Variants in RIOK3 observed in about 807,000 individuals in gnomAD.
RIOK3 encodes the protein serine/threonine-protein kinase RIO3.
In RIOK3, 40 loss-of-function variants were observed where a neutral mutation model predicts 63.5. The ratio of observed to expected loss-of-function variants is 0.63; its 90% CI spans 0.49 to 0.82. The LOEUF is 0.82. RIOK3 is among the 40% of genes least tolerant of loss of function. The pLI is 0.00. For missense variants in RIOK3, 557 were observed against 637.0 expected, an observed-to-expected ratio of 0.87 and a Z score of 1.35; for synonymous variants, 193 against 205.0, an observed-to-expected ratio of 0.94 and a Z score of 0.50.
intron 1 of RIOK3, among the ~76,000 whole-genome samples, chr18:23,461,212 G>A (rs1400376056): frequency 6.6e-6 from 1 of 152,228 alleles, no homozygotes; most frequent in Non-Finnish European, 1.5e-5. Flanking sequence ...CAACTAGAGG[G>A]CCTATACTGG....
chr18:23,476,161 T>C (rs537244921), intron 9 of RIOK3, among the ~76,000 whole-genome samples: 2 of 152,012 alleles, frequency 1.3e-5, no homozygotes, highest in African/African-American at 2.4e-5. Flanking sequence ...ATGATGAAAA[T>C]TGAAAACAGT....
rs1189464759 is a variant in RIOK3 at position 23,466,416 on chromosome 18, GC to G, written c.687+142del. ...TAAATCAAAGATGTAAATAAATCCA[GC>G]CACTGTGGTGCCCGCCTGTAATCCC... On this transcript the variant is annotated intron_variant, in intron 6 of 12. Transcript: ENST00000339486. 16 of 699,106 alleles carry G rather than the reference GC, an allele frequency of 2.3e-5. No individual in the cohort carries two copies. In the Admixed American group the frequency reaches 3.3e-4, roughly 14 times the overall value. The allele number at this position is 699,106 out of a possible 1,614,324, so 43.3% of individuals were successfully genotyped here. A position where few individuals can be genotyped will look rare whatever the true frequency, so the allele number is the denominator to read the frequency against.
Position 23,453,320 on chromosome 18 carries a change from C to A in RIOK3, c.-120C>A. 1.2e-6 allele frequency: 1 copy of A among 820,666 alleles called. No homozygotes were observed. Among genetic ancestry groups the A allele is most frequent in the Non-Finnish European group, 2.1e-6 (1 of 482,688 alleles). 50.8% of individuals were successfully genotyped at this position (820,666 alleles called of 1,614,324 possible). A position where few individuals can be genotyped will look rare whatever the true frequency, so the allele number is the denominator to read the frequency against. ...ACGCGGCCGCCGCCGTCGCCGCCAT[C>A]TGTCACCTCCACTCCGGCATCAGCA... On this transcript the variant is annotated 5_prime_UTR_variant, in exon 1 of 13. In the 5' UTR this introduces an upstream ATG that the reference lacks. Coordinates refer to ENST00000339486, the MANE Select transcript of RIOK3 (RefSeq NM_003831.5).
intron 7 of RIOK3, among the ~76,000 whole-genome samples, chr18:23,469,319 CT>C (rs2057432893): frequency 3.3e-5 from 1 of 30,336 alleles, no homozygotes; most frequent in Non-Finnish European, 6.4e-5. Context: ...CTCTCTCTCT[CT>C]CTCTCTCTCT....
At chr18:23,470,557 G>C (rs1188338841) in intron 7 of RIOK3, among the ~76,000 whole-genome samples, 1 of 152,172 alleles carries the variant, frequency 6.6e-6, no homozygotes, top group Non-Finnish European at 1.5e-5. Context: ...CCTCTGGTGA[G>C]TTAAGATGGG....
intron 1 of RIOK3, among the ~76,000 whole-genome samples, chr18:23,453,931 C>T (rs1568377888): frequency 6.6e-6 from 1 of 152,152 alleles, no homozygotes; most frequent in Non-Finnish European, 1.5e-5. Flanking sequence ...GTGGTTATCC[C>T]AGTTTGGAAA....
At chr18:23,474,911 C>T in intron 8 of RIOK3, 37 bp from the exon 9 acceptor site, 1 of 1,512,882 alleles carries the variant, frequency 6.6e-7, no homozygotes, top group Non-Finnish European at 9.1e-7. Flanking sequence ...TTCTCTCCTT[C>T]TGATCTGTAT....
intron 6 of RIOK3, 63 bp downstream of exon 6, chr18:23,466,339 G>C: frequency 7.7e-7 from 1 of 1,299,622 alleles, no homozygotes; most frequent in Non-Finnish European, 1.0e-6. Flanking sequence ...GAAAACTTTG[G>C]GTAAAGAAAA....
chr18:23,463,629 G>A (rs536813821), intron 2 of RIOK3, among the ~76,000 whole-genome samples: 14 of 152,096 alleles, frequency 9.2e-5, no homozygotes, highest in Admixed American at 5.2e-4. Flanking sequence ...GGTTGGTCTC[G>A]AACTCCTGAC....
rs534099414 is a variant in RIOK3, at chr18:23,453,326, C to T, written c.-114C>T. 193 of 869,116 alleles carry T rather than the reference C, an allele frequency of 2.2e-4. No individual in the cohort carries two copies. Among genetic ancestry groups the T allele is most frequent in the East Asian group, 1.2e-4 (5 of 41,132 alleles). The allele number at this position is 869,116 out of a possible 1,614,324, so 53.8% of individuals were successfully genotyped here. ...CCGCCGCCGTCGCCGCCATCTGTCA[C>T]CTCCACTCCGGCATCAGCAGCCAGT... is the stretch of plus-strand genomic sequence containing the variant. On this transcript the variant is annotated 5_prime_UTR_variant, in exon 1 of 13. Transcript: ENST00000339486.
Position 23,464,644 on chromosome 18 carries a change from T to C in RIOK3, c.543+16T>C, listed in dbSNP as rs1415034605. On this transcript the variant is annotated intron_variant, in intron 5 of 12. Transcript: ENST00000339486. ...AATGGAAAATGTAAGTTACAGAAAG[T>C]ATCTATCTCTGAATTTAGAGTTTTG... 4 of 1,419,884 alleles carry C rather than the reference T, an allele frequency of 2.8e-6. No homozygotes were observed. Among genetic ancestry groups the C allele is most frequent in the Non-Finnish European group, 3.9e-6 (4 of 1,032,682 alleles). The allele number at this position is 1,419,884 out of a possible 1,614,324, so 88.0% of individuals were successfully genotyped here.
At position 23,464,592 on chromosome 18, in the gene RIOK3, A is replaced by G; in HGVS notation, c.507A>G (p.Val169=). 2 of 1,603,742 alleles carry G rather than the reference A, an allele frequency of 1.2e-6. No homozygotes were observed. Among genetic ancestry groups the G allele is most frequent in the Non-Finnish European group, 1.7e-6 (2 of 1,176,308 alleles). Residue 169 remains valine (V), a synonymous_variant, in exon 5 of 13, where the codon GTA becomes GTG. Coordinates refer to ENST00000339486, the MANE Select transcript of RIOK3 (RefSeq NM_003831.5). ...GKDITTKHDE[V]VCGRKNTARM... is the part of the protein sequence containing the mutation. ...ATATCACCACCAAACATGATGAAGT[A>G]GTATGTGGGAGAAAGAACACAGCAA...
rs541302429 is a variant in RIOK3 at position 23,469,233 on chromosome 18, T to C, written c.815+1707T>C. 4.6e-5 allele frequency among the ~76,000 whole-genome samples: 7 copies of C among 151,762 alleles called. No homozygotes were observed. In the East Asian group the frequency reaches 1.2e-3, roughly 25 times the overall value. On this transcript the variant is annotated intron_variant, in intron 7 of 12. Coordinates refer to ENST00000339486, the MANE Select transcript of RIOK3 (RefSeq NM_003831.5). ...ACACATGCTCAAGGGAAGGAGGTAT[T>C]ATACAGGGGTGTGCACACCAAGGGG...
chr18:23,481,440 T>C lies in RIOK3; in HGVS notation c.*161T>C, dbSNP rs1325626722. ...CCATGTGCCAGATGTGTGGAATTTT[T>C]AGCTCAGCATTGAGAGAATAAAATG... On this transcript the variant is annotated 3_prime_UTR_variant, in exon 13 of 13. Coordinates refer to ENST00000339486, the MANE Select transcript of RIOK3 (RefSeq NM_003831.5). The C allele has an allele frequency of 1.9e-6, 1 of 522,724 alleles. No individual in the cohort carries two copies. Among genetic ancestry groups the C allele is most frequent in the African/African-American group, 2.0e-5 (1 of 50,406 alleles). 32.4% of individuals were successfully genotyped at this position (522,724 alleles called of 1,614,324 possible).
chr18:23,477,332 T>A (rs2057498583), intron 11 of RIOK3, 64 bp downstream of exon 11: 4 of 1,241,288 alleles, frequency 3.2e-6, no homozygotes, highest in African/African-American at 1.5e-5. Context: ...TTTTTCTCAC[T>A]CCTAAGATAA....
intron 7 of RIOK3, 117 bp downstream of exon 7, chr18:23,467,643 T>C (rs1360073119): frequency 9.9e-7 from 1 of 1,006,448 alleles, no homozygotes; most frequent in Non-Finnish European, 1.5e-6. Context: ...ATTTTTAAAG[T>C]GTTATTGTAG....
intron 5 of RIOK3, among the ~76,000 whole-genome samples, chr18:23,465,118 T>C (rs1011520193): frequency 1.3e-5 from 2 of 152,210 alleles, no homozygotes; most frequent in Non-Finnish European, 2.9e-5. Context: ...ATGCCTGTAA[T>C]CCCAGTATTT....
At chr18:23,465,839 C>T (rs188739944) in intron 5 of RIOK3, among the ~76,000 whole-genome samples, 120 of 152,230 alleles carry the variant, frequency 7.9e-4, no homozygotes, top group South Asian at 1.7e-3. Flanking sequence ...AATATTGTGT[C>T]CTTTGGCTAA....
chr18:23,462,102 GA>G (rs1490105815), intron 1 of RIOK3, among the ~76,000 whole-genome samples: 1 of 120,522 alleles, frequency 8.3e-6, no homozygotes. Context: ...AAAAAAAAAA[GA>G]AATAAAATTT....
Sources: allele counts gnomAD v4.1 joint callset (sites outside exome capture counted in the v4.1 genomes callset), GRCh38; gene constraint gnomAD v4.1.1; transcripts MANE v1.5; gene names NCBI Gene and HGNC (gene_info 2026-07-23, HGNC 2026-07-21).